Variants in ELAPOR1 observed in about 807,000 individuals in gnomAD.
ELAPOR1 encodes endosome/lysosome-associated apoptosis and autophagy regulator 1.
A neutral mutation model predicts 119.7 loss-of-function variants in ELAPOR1; 77 were observed. The observed-to-expected ratio is 0.64, with a 90% CI of 0.54 to 0.78. The LOEUF is 0.78. ELAPOR1 is among the 30% of genes least tolerant of loss of function. ELAPOR1 has a pLI of 0.00. For missense variants in ELAPOR1, 1,115 were observed against 1,270.4 expected, an observed-to-expected ratio of 0.88 and a Z score of 1.86; for synonymous variants, 481 against 487.2, an observed-to-expected ratio of 0.99 and a Z score of 0.17.
At chr1:109,124,688 A>G (rs895150064) in intron 1 of ELAPOR1, among the ~76,000 whole-genome samples, 2 of 152,140 alleles carry the variant, frequency 1.3e-5, no homozygotes, top group Non-Finnish European at 2.9e-5. Flanking sequence ...TTAACCTTGC[A>G]CACCGTCACC....
chr1:109,192,879 C>T lies in ELAPOR1; in HGVS notation c.1947+5C>T, dbSNP rs1336486635. The T allele has an allele frequency of 6.2e-7, 1 of 1,613,300 alleles. No homozygotes were observed. On this transcript the variant is annotated splice_donor_5th_base_variant and intron_variant, in intron 14 of 21. Transcript: ENST00000369939. ...CCAGGGACCAAGAACAACAAGGTACCTGTAGTCTGGCATGCATCCTAAACC... is the reference window on the plus strand; with the variant it reads ...CCAGGGACCAAGAACAACAAGGTACTTGTAGTCTGGCATGCATCCTAAACC...
intron 10 of ELAPOR1, 45 bp downstream of exon 10, chr1:109,189,239 C>G (rs1406963096): frequency 1.3e-6 from 2 of 1,591,856 alleles, no homozygotes; most frequent in Admixed American, 3.5e-5. Context: ...TCCCTGCACA[C>G]CCTCAGTTCT....
At chr1:109,171,792 A>G in intron 3 of ELAPOR1, 74 bp from the exon 4 acceptor site, 3 of 1,484,266 alleles carry the variant, frequency 2.0e-6, no homozygotes, top group Non-Finnish European at 2.8e-6. Flanking sequence ...CCAGCAGAAC[A>G]TGAGACCTGC....
chr1:109,169,875 C>T (rs922302741), intron 3 of ELAPOR1, among the ~76,000 whole-genome samples: 1 of 152,142 alleles, frequency 6.6e-6, no homozygotes, highest in African/African-American at 2.4e-5. Flanking sequence ...CAGACATGTG[C>T]CTAAGGAGAC....
At chr1:109,168,932 A>T (rs1272522223) in intron 3 of ELAPOR1, among the ~76,000 whole-genome samples, 1 of 152,198 alleles carries the variant, frequency 6.6e-6, no homozygotes, top group African/African-American at 2.4e-5. Context: ...ACCGGGGGCA[A>T]TTCTGACAAA....
rs977148666 is a variant in ELAPOR1, at chr1:109,186,632, C to T, written c.1041+1499C>T. ...CACCTTAGACTCAGTTCTGTGGTGT[C>T]TGGTATTCTGTATGACCTTGTGAAC... On this transcript the variant is annotated intron_variant, in intron 8 of 21. Transcript: ENST00000369939. The T allele has an allele frequency of 4.1e-6, 4 of 985,322 alleles. No homozygotes were observed. The African/African-American group carries it at 7.0e-5, about 17-fold the overall frequency. The allele number at this position is 985,322 out of a possible 1,614,324, so 61.0% of individuals were successfully genotyped here.
chr1:109,191,493 C>T (rs369573829), intron 12 of ELAPOR1, 22 bp downstream of exon 12: 59 of 1,594,846 alleles, frequency 3.7e-5, no homozygotes, highest in Non-Finnish European at 4.6e-5. Flanking sequence ...TTTCTTTGCC[C>T]GCTAGAGGGC....
intron 2 of ELAPOR1, among the ~76,000 whole-genome samples, chr1:109,163,536 G>A (rs1651394360): frequency 6.6e-6 from 1 of 151,496 alleles, no homozygotes; most frequent in Non-Finnish European, 1.5e-5. Flanking sequence ...AGGATTACAG[G>A]CACACGCGAC....
At chr1:109,138,355 A>G (rs908921121) in intron 1 of ELAPOR1, among the ~76,000 whole-genome samples, 1 of 152,102 alleles carries the variant, frequency 6.6e-6, no homozygotes, top group Non-Finnish European at 1.5e-5. Context: ...TTCCTTCACA[A>G]ACGTGATACA....
At chr1:109,191,554 G>C in intron 12 of ELAPOR1, 83 bp downstream of exon 12, 1 of 1,391,134 alleles carries the variant, frequency 7.2e-7, no homozygotes, top group Non-Finnish European at 1.0e-6. Flanking sequence ...CCACGTGACT[G>C]ACACCCCCCC....
chr1:109,186,044 A>G (rs911708960), intron 8 of ELAPOR1, among the ~76,000 whole-genome samples: 2 of 151,908 alleles, frequency 1.3e-5, no homozygotes, highest in Non-Finnish European at 2.9e-5. Context: ...ATGGGTATAT[A>G]ATATAGCAAA....
At position 109,171,888 on chromosome 1, in the gene ELAPOR1, G is replaced by A. The variant is rs565095260; in HGVS notation, c.490G>A (p.Asp164Asn). 6.9e-5 allele frequency: 112 copies of A among 1,614,092 alleles called. No homozygotes were observed. The highest frequency in any genetic ancestry group is 9.2e-5 in the Non-Finnish European group (108 of 1,180,052). Residue 164 changes from aspartate to asparagine, a missense_variant, in exon 4 of 22, where the codon GAC (aspartate) becomes AAC (asparagine). By Grantham distance (23) the Asp-to-Asn change is conservative. Coordinates refer to ENST00000369939, the MANE Select transcript of ELAPOR1 (RefSeq NM_020775.5). ...CAGGTCCAAGTGGGTTCCCCGGGGC[G>A]ACTACATCGCCTCCAACACGGACGA... ...CTSSKWVPRG[D>N]YIASNTDECT...
At position 109,198,589 on chromosome 1, in the gene ELAPOR1, C is replaced by G. The variant is rs1355095399; in HGVS notation, c.2416C>G (p.Gln806Glu). The stretch of plus-strand genomic sequence containing the variant: ...TCTCTGCAGGTCCAATGATGTGACC[C>G]AGTCCTGCAGTTCTGGGAGATCAAC... ...IFFYRSNDVT[Q>E]SCSSGRSTTI... is the part of the protein sequence containing the mutation. The change falls in exon 18 of 22, where the codon CAG becomes GAG. Residue 806 changes from glutamine (Q) to glutamate (E), a missense_variant. Gln to Glu is a conservative substitution (Grantham distance 29). Coordinates refer to ENST00000369939, the MANE Select transcript of ELAPOR1 (RefSeq NM_020775.5). The G allele has an allele frequency of 6.2e-7, 1 of 1,613,716 alleles. No homozygotes were observed. Among genetic ancestry groups the G allele is most frequent in the South Asian group, 1.1e-5 (1 of 90,884 alleles).
intron 1 of ELAPOR1, among the ~76,000 whole-genome samples, chr1:109,128,488 C>T (rs1225812866): frequency 6.6e-6 from 1 of 152,108 alleles, no homozygotes; most frequent in African/African-American, 2.4e-5. Flanking sequence ...GGAGTGTCAC[C>T]TAGATATAAA....
At chr1:109,159,668 C>T (rs1349876425) in intron 1 of ELAPOR1, among the ~76,000 whole-genome samples, 2 of 152,124 alleles carry the variant, frequency 1.3e-5, no homozygotes, top group African/African-American at 4.8e-5. Flanking sequence ...AGCTCAGTGA[C>T]TTATCGGCTG....
In ELAPOR1 at chr1:109,166,870, TAAG is replaced by T. The variant is rs373854687; in HGVS notation, c.467+2183_467+2185del. 4.1e-4 allele frequency among the ~76,000 whole-genome samples: 63 copies of T among 152,310 alleles called. No individual in the cohort carries two copies. In the East Asian group the frequency reaches 5.4e-3, roughly 13 times the overall value. ...ACTTATACCCAAACAATCAAATGGA[TAAG>T]AAGGACTCAAGAATTGTATTACACT... is the stretch of plus-strand genomic sequence containing the variant. On this transcript the variant is annotated intron_variant, in intron 3 of 21. Transcript: ENST00000369939.
intron 7 of ELAPOR1, 139 bp downstream of exon 7, chr1:109,173,976 A>G (rs1223321855): frequency 1.2e-5 from 11 of 915,876 alleles, no homozygotes; most frequent in South Asian, 1.7e-5. Context: ...GGATCCTGGA[A>G]TACCCTTGCC....
chr1:109,198,182 G>C (rs1653947431), intron 17 of ELAPOR1, 107 bp downstream of exon 17: 4 of 862,092 alleles, frequency 4.6e-6, no homozygotes. Context: ...GCCAGAACAT[G>C]TCTGAGGTCT....
In ELAPOR1 at chr1:109,189,130, G is replaced by T. The variant is rs774008115; in HGVS notation, c.1284G>T (p.Thr428=). ...GATTTGAATACAAATGGTGGAACACGCTGCCCACAAACATGGAAACGACCG... is the reference window on the plus strand; with the variant it reads ...GATTTGAATACAAATGGTGGAACACTCTGCCCACAAACATGGAAACGACCG... ...AVGFEYKWWN[T]LPTNMETTVL... The change falls in exon 10 of 22, where the codon ACG becomes ACT. Residue 428 remains threonine (T), a synonymous_variant. Transcript: ENST00000369939. 1.9e-6 allele frequency: 3 copies of T among 1,614,120 alleles called. No individual in the cohort carries two copies. Among genetic ancestry groups the T allele is most frequent in the Non-Finnish European group, 2.5e-6 (3 of 1,179,992 alleles).
Sources: gnomAD v4.1 joint callset for allele counts (sites outside exome capture counted in the v4.1 genomes callset) on GRCh38, gnomAD v4.1.1 for gene constraint, MANE v1.5 for transcripts, NCBI Gene and HGNC (gene_info 2026-07-23, HGNC 2026-07-21) for gene names.